Variants in GALNTL6 observed in about 807,000 individuals in gnomAD.
The protein encoded by GALNTL6 is polypeptide N-acetylgalactosaminyltransferase-like 6.
In GALNTL6, 46 loss-of-function variants were observed where a neutral mutation model predicts 73.7. That is an observed-to-expected ratio of 0.62 (90% CI 0.49 to 0.80). GALNTL6 has a LOEUF of 0.80. Among genes scored for constraint, GALNTL6 ranks in the 30% least tolerant of loss-of-function variants. The probability of loss-of-function intolerance (pLI) is 0.00; values close to 1 mark genes in which losing one functional copy is unlikely to be tolerated. For synonymous variants in GALNTL6, 259 were observed against 263.7 expected (o/e 0.98, Z 0.17); for missense variants, 604 against 755.0 (o/e 0.80, Z 2.34).
intron 10 of GALNTL6, among the ~76,000 whole-genome samples, chr4:172,990,221 G>A (rs1436002338): frequency 1.3e-5 from 2 of 152,182 alleles, no homozygotes; most frequent in Non-Finnish European, 2.9e-5. Flanking sequence ...AAAGAAAGCA[G>A]ATCCTTATTG....
chr4:172,912,821 T>G (rs1056060425), intron 8 of GALNTL6, among the ~76,000 whole-genome samples: 1 of 152,190 alleles, frequency 6.6e-6, no homozygotes, highest in African/African-American at 2.4e-5. Flanking sequence ...CAGCAGAAAC[T>G]TCTGCAGACT....
At chr4:173,007,187 C>T (rs1329716234) in intron 10 of GALNTL6, among the ~76,000 whole-genome samples, 1 of 152,158 alleles carries the variant, frequency 6.6e-6, no homozygotes, top group African/African-American at 2.4e-5. Flanking sequence ...TAAAAACCTC[C>T]TCTCTGCCTC....
chr4:172,355,169 G>A (rs545944702), intron 5 of GALNTL6, among the ~76,000 whole-genome samples: 187 of 151,990 alleles, frequency 1.2e-3, no homozygotes, highest in African/African-American at 4.2e-3. Flanking sequence ...AAGTTATTAT[G>A]GAGATAATAT....
At chr4:172,381,259 G>A (rs1292076036) in intron 5 of GALNTL6, among the ~76,000 whole-genome samples, 2 of 152,078 alleles carry the variant, frequency 1.3e-5, no homozygotes, top group African/African-American at 2.4e-5. Context: ...TGTAATGAAA[G>A]GCTTATTGGT....
rs536955848 is a variant in GALNTL6 at position 173,017,505 on chromosome 4, G to C, written c.1489-3971G>C. The stretch of plus-strand genomic sequence containing the variant: ...AGACAGGAAAATGTGCCAATGAAAA[G>C]ACTCAATGCCTGATTGGTTTGACAT... On this transcript the variant is annotated intron_variant, in intron 11 of 12. Transcript: ENST00000506823. Among the ~76,000 whole-genome samples, 7 of 152,250 alleles carry C rather than the reference G, an allele frequency of 4.6e-5. No individual in the cohort carries two copies. The South Asian group carries it at 1.5e-3, about 32-fold the overall frequency.
chr4:172,491,968 T>TTTCA (rs1454367834), intron 5 of GALNTL6, among the ~76,000 whole-genome samples: 1 of 152,262 alleles, frequency 6.6e-6, no homozygotes, highest in Non-Finnish European at 1.5e-5. Context: ...AAGGCTGAAA[T>TTTCA]TTCATTCATT....
At chr4:173,011,107 G>A (rs1752535168) in intron 11 of GALNTL6, among the ~76,000 whole-genome samples, 2 of 152,098 alleles carry the variant, frequency 1.3e-5, no homozygotes, top group Admixed American at 6.5e-5. Context: ...TTTGATGATC[G>A]ATAATCTTGG....
intron 2 of GALNTL6, among the ~76,000 whole-genome samples, chr4:171,837,411 T>C (rs1269085148): frequency 1.3e-5 from 2 of 151,834 alleles, no homozygotes; most frequent in Non-Finnish European, 2.9e-5. Context: ...TGGTGGGATC[T>C]GAGGCTTAGG....
intron 5 of GALNTL6, among the ~76,000 whole-genome samples, chr4:172,501,626 A>G (rs1385222036): frequency 1.3e-5 from 2 of 152,096 alleles, no homozygotes; most frequent in Admixed American, 6.5e-5. Context: ...TATTTCATCA[A>G]TTGTCCGTGA....
chr4:172,021,388 G>T (rs1255773648), intron 2 of GALNTL6, among the ~76,000 whole-genome samples: 2 of 151,968 alleles, frequency 1.3e-5, no homozygotes, highest in Non-Finnish European at 2.9e-5. Flanking sequence ...AAAGTCTAAA[G>T]AAGTGAAAGA....
chr4:171,985,136 G>A (rs1046809215), intron 2 of GALNTL6, among the ~76,000 whole-genome samples: 9 of 151,976 alleles, frequency 5.9e-5, no homozygotes, highest in African/African-American at 1.9e-4. Context: ...AAAAAATCCT[G>A]TATTGAGTGT....
At chr4:172,677,051 T>C (rs1237349157) in intron 5 of GALNTL6, among the ~76,000 whole-genome samples, 2 of 152,222 alleles carry the variant, frequency 1.3e-5, no homozygotes, top group African/African-American at 4.8e-5. Flanking sequence ...AACTTACTAC[T>C]GTCCTTGTGT....
intron 2 of GALNTL6, among the ~76,000 whole-genome samples, chr4:171,968,490 T>C (rs1739456045): frequency 1.3e-5 from 2 of 152,192 alleles, no homozygotes; most frequent in African/African-American, 4.8e-5. Context: ...CCTCTTCCTG[T>C]AAGGCTACTT....
chr4:171,924,223 C>T (rs1014962046), intron 2 of GALNTL6, among the ~76,000 whole-genome samples: 44 of 151,676 alleles, frequency 2.9e-4, no homozygotes, highest in Admixed American at 2.6e-4. Context: ...CAAACACACA[C>T]ACACAGAGTT....
chr4:171,896,346 C>T (rs909285996), intron 2 of GALNTL6, among the ~76,000 whole-genome samples: 1 of 152,120 alleles, frequency 6.6e-6, no homozygotes, highest in African/African-American at 2.4e-5. Context: ...CACATGACAA[C>T]AATAGCCTCA....
At chr4:172,826,587 G>A (rs923056952) in intron 7 of GALNTL6, among the ~76,000 whole-genome samples, 1 of 152,216 alleles carries the variant, frequency 6.6e-6, no homozygotes, top group African/African-American at 2.4e-5. Flanking sequence ...CTTTGTGCAG[G>A]GAATAATGCA....
intron 2 of GALNTL6, among the ~76,000 whole-genome samples, chr4:172,162,415 A>G (rs1005150776): frequency 1.3e-5 from 2 of 152,024 alleles, no homozygotes; most frequent in African/African-American, 4.8e-5. Flanking sequence ...GGAGGATATT[A>G]CAGTATCATT....
intron 4 of GALNTL6, among the ~76,000 whole-genome samples, chr4:172,338,368 T>C (rs535951311): frequency 3.9e-5 from 6 of 152,162 alleles, no homozygotes; most frequent in Admixed American, 2.0e-4. Flanking sequence ...TAATGCTGGC[T>C]CCTTTTCATC....
intron 5 of GALNTL6, among the ~76,000 whole-genome samples, chr4:172,487,619 C>G (rs1733744728): frequency 6.6e-6 from 1 of 151,892 alleles, no homozygotes; most frequent in Non-Finnish European, 1.5e-5. Flanking sequence ...AACTCCTGAC[C>G]TCAGGTGATC....
Sources: allele counts gnomAD v4.1 joint callset (sites outside exome capture counted in the v4.1 genomes callset), GRCh38; gene constraint gnomAD v4.1.1; transcripts MANE v1.5; gene names NCBI Gene and HGNC (gene_info 2026-07-23, HGNC 2026-07-21).